BMP2K: variants seen among roughly 807,000 people sequenced by gnomAD.
BMP2K encodes BMP-2-inducible protein kinase.
BMP2K carries 74 observed loss-of-function variants against 116.0 expected under a neutral mutation model. The observed-to-expected ratio is 0.64, with a 90% CI of 0.53 to 0.77. The LOEUF (loss-of-function observed/expected upper bound fraction) is 0.77, where lower values mean the gene tolerates loss of function less well. Among genes scored for constraint, BMP2K ranks in the 30% least tolerant of loss-of-function variants. BMP2K has a pLI of 0.00. For missense variants in BMP2K, 1,365 were observed against 1,403.6 expected (o/e 0.97, Z 0.44); for synonymous variants, 486 against 502.5 (o/e 0.97, Z 0.44).
intron 15 of BMP2K, among the ~76,000 whole-genome samples, chr4:78,895,200 A>G (rs1733638386): frequency 6.6e-6 from 1 of 152,268 alleles, no homozygotes; most frequent in Non-Finnish European, 1.5e-5. Flanking sequence ...GACTTGTTCA[A>G]CATAGGCTTG....
At chr4:78,834,789 A>G (rs1246178115) in intron 3 of BMP2K, among the ~76,000 whole-genome samples, 1 of 152,214 alleles carries the variant, frequency 6.6e-6, no homozygotes, top group East Asian at 1.9e-4. Flanking sequence ...TGTTTACTGC[A>G]GTATTTTAAG....
At chr4:78,879,494 T>C (rs1012286485) in intron 14 of BMP2K, 3 of 881,012 alleles carry the variant, frequency 3.4e-6, no homozygotes, top group African/African-American at 3.6e-5. Flanking sequence ...ACCTAATATA[T>C]GTCAAGCTTC....
intron 1 of BMP2K, among the ~76,000 whole-genome samples, chr4:78,796,751 G>T (rs192806340): frequency 1.4e-4 from 22 of 152,256 alleles, no homozygotes; most frequent in Non-Finnish European, 2.6e-4. Context: ...GATGATTGTG[G>T]TCTATATCCA....
intron 15 of BMP2K, among the ~76,000 whole-genome samples, chr4:78,896,498 T>C (rs1218765440): frequency 6.6e-6 from 1 of 152,164 alleles, no homozygotes; most frequent in Non-Finnish European, 1.5e-5. Flanking sequence ...GTCCATAACA[T>C]GTGACTCAGG....
chr4:78,792,479 A>AT (rs1272185396), intron 1 of BMP2K, among the ~76,000 whole-genome samples: 1 of 152,224 alleles, frequency 6.6e-6, no homozygotes, highest in East Asian at 1.9e-4. Flanking sequence ...TTTGGCAGAC[A>AT]TTTTCTTAAA....
chr4:78,857,709 A>G (rs1236721625), intron 7 of BMP2K, among the ~76,000 whole-genome samples: 4 of 152,128 alleles, frequency 2.6e-5, no homozygotes, highest in Non-Finnish European at 4.4e-5. Flanking sequence ...ACTCACTGCT[A>G]TTCCTTAAGG....
intron 15 of BMP2K, among the ~76,000 whole-genome samples, chr4:78,889,252 T>C (rs950227073): frequency 2.1e-5 from 3 of 141,686 alleles, no homozygotes; most frequent in African/African-American, 5.2e-5. Flanking sequence ...AGCCCATTAA[T>C]ATAAATGCTA....
intron 7 of BMP2K, among the ~76,000 whole-genome samples, chr4:78,854,418 CCT>C (rs1481764716): frequency 6.6e-6 from 1 of 151,950 alleles, no homozygotes; most frequent in Admixed American, 6.6e-5. Context: ...GGACTACAGG[CCT>C]ATGCCACCAT....
At chr4:78,857,303 A>G (rs1731551423) in intron 7 of BMP2K, among the ~76,000 whole-genome samples, 1 of 152,118 alleles carries the variant, frequency 6.6e-6, no homozygotes, top group Admixed American at 6.6e-5. Flanking sequence ...ATATTCCCAC[A>G]TGAAAACATG....
At position 78,911,757 on chromosome 4, in the gene BMP2K, T is replaced by C; in HGVS notation, c.3210T>C (p.Gly1070=). The change falls in exon 16 of 16, where the codon GGT becomes GGC. Residue 1070 remains glycine, a synonymous_variant. Transcript: ENST00000502613. ...QPEESLLDPF[G]AKPFHSPDLS... is the part of the protein sequence containing the mutation. ...AGGAGAGCCTGTTGGACCCCTTCGG[T>C]GCCAAGCCCTTCCATTCTCCAGACC... 6.2e-7 allele frequency: 1 copy of C among 1,613,976 alleles called. No individual in the cohort carries two copies. Among genetic ancestry groups the C allele is most frequent in the Middle Eastern group, 1.6e-4 (1 of 6,062 alleles).
Position 78,911,377 on chromosome 4 carries a change from A to T in BMP2K, c.2830A>T (p.Thr944Ser), listed in dbSNP as rs1162438777. The change falls in exon 16 of 16, where the codon ACA becomes TCA. Residue 944 changes from threonine (T) to serine (S), a missense_variant. Physicochemically the swap from Thr to Ser is moderately conservative, Grantham distance 58. Coordinates refer to ENST00000502613, the MANE Select transcript of BMP2K (RefSeq NM_198892.2). ...STPFQPFLTSTSKSESNEDLF... is the reference protein window; with the variant it reads ...STPFQPFLTSSSKSESNEDLF... ...TCCATTTCAGCCCTTCCTCACATCA[A>T]CAAGTAAAAGTGAAAGCAATGAGGA... 1.9e-6 allele frequency: 3 copies of T among 1,613,996 alleles called. No individual in the cohort carries two copies. Among genetic ancestry groups the T allele is most frequent in the Non-Finnish European group, 1.7e-6 (2 of 1,179,874 alleles).
At chr4:78,826,614 C>G (rs1474374490) in intron 2 of BMP2K, among the ~76,000 whole-genome samples, 1 of 152,070 alleles carries the variant, frequency 6.6e-6, no homozygotes, top group Non-Finnish European at 1.5e-5. Context: ...ATAGTTGTCC[C>G]TTAGTCTTCT....
chr4:78,849,941 A>G (rs1731169882), intron 6 of BMP2K, among the ~76,000 whole-genome samples: 2 of 151,702 alleles, frequency 1.3e-5, no homozygotes, highest in African/African-American at 2.4e-5. Flanking sequence ...TGAGTTTACT[A>G]AGTTGATATG....
intron 15 of BMP2K, among the ~76,000 whole-genome samples, chr4:78,896,816 A>T (rs1733729487): frequency 6.6e-6 from 1 of 152,222 alleles, no homozygotes; most frequent in African/African-American, 2.4e-5. Context: ...TCTTTATTGA[A>T]TATCCTTACA....
intron 7 of BMP2K, among the ~76,000 whole-genome samples, chr4:78,854,901 C>T (rs1255609768): frequency 1.3e-5 from 2 of 151,866 alleles, no homozygotes; most frequent in Admixed American, 6.6e-5. Flanking sequence ...TAACCTCACC[C>T]ACTCTCTTCT....
chr4:78,784,812 T>C (rs1332094824), intron 1 of BMP2K, among the ~76,000 whole-genome samples: 1 of 152,226 alleles, frequency 6.6e-6, no homozygotes, highest in East Asian at 1.9e-4. Flanking sequence ...TGCCTCTAAC[T>C]TGCATTGTGA....
intron 8 of BMP2K, among the ~76,000 whole-genome samples, chr4:78,860,730 T>A (rs972212138): frequency 6.6e-6 from 1 of 150,800 alleles, no homozygotes; most frequent in African/African-American, 2.4e-5. Context: ...TGTAACTTAA[T>A]CTACCCCACT....
At position 78,898,666 on chromosome 4, in the gene BMP2K, A is replaced by C. The variant is rs535352539; in HGVS notation, c.2062+11382A>C. Among the ~76,000 whole-genome samples, 19 of 151,788 alleles carry C rather than the reference A, an allele frequency of 1.3e-4. No homozygotes were observed. The East Asian group carries it at 3.7e-3, about 30-fold the overall frequency. On this transcript the variant is annotated intron_variant, in intron 15 of 15. Coordinates refer to ENST00000502613, the MANE Select transcript of BMP2K (RefSeq NM_198892.2). ...GAGCGAGACTCCATCTCAAAAAAAAAAAAAGACCATTGCTCCTCAAAGTGT... is the reference window on the plus strand; with the variant it reads ...GAGCGAGACTCCATCTCAAAAAAAACAAAAGACCATTGCTCCTCAAAGTGT...
rs79452102 is a variant in BMP2K at position 78,822,448 on chromosome 4, A to G, written c.179-3589A>G. 4.5e-3 allele frequency among the ~76,000 whole-genome samples: 680 copies of G among 152,288 alleles called. 2 individuals carry two copies. Among genetic ancestry groups the G allele is most frequent in the African/African-American group, 0.015 (643 of 41,572 alleles). On this transcript the variant is annotated intron_variant, in intron 1 of 15. Coordinates refer to ENST00000502613, the MANE Select transcript of BMP2K (RefSeq NM_198892.2). Reference sequence around the variant, plus strand: ...ACAATTTATGTAGTTTATAGAGTGCAAAAGATACCAATTATTTTTCTTATT... The same window carrying G: ...ACAATTTATGTAGTTTATAGAGTGCGAAAGATACCAATTATTTTTCTTATT...
Sources: gnomAD v4.1 joint callset for allele counts (sites outside exome capture counted in the v4.1 genomes callset) on GRCh38, gnomAD v4.1.1 for gene constraint, MANE v1.5 for transcripts, NCBI Gene and HGNC (gene_info 2026-07-23, HGNC 2026-07-21) for gene names.